The following FGF5 variants were observed in gnomAD, a reference collection of about 807,000 sequenced individuals.
FGF5 encodes the protein fibroblast growth factor 5.
Under a neutral mutation model 21.8 loss-of-function variants are expected in FGF5, and 23 were observed. The observed-to-expected ratio is 1.05, with a 90% CI of 0.76 to 1.49. The LOEUF (loss-of-function observed/expected upper bound fraction) is 1.49. FGF5 is among the 40% of genes most tolerant of loss of function. The probability of loss-of-function intolerance (pLI) is 0.00; values close to 1 mark genes in which losing one functional copy is unlikely to be tolerated. For missense variants in FGF5, 352 were observed against 332.9 expected (o/e 1.06, Z -0.45); for synonymous variants, 158 against 124.0 (o/e 1.27, Z -1.82).
rs756297312 is a variant in FGF5 at position 80,266,923 on chromosome 4, A to C, written c.99A>C (p.Gly33=). The C allele has an allele frequency of 6.2e-7, 1 of 1,614,014 alleles. No homozygotes were observed. The highest frequency in any genetic ancestry group is 8.5e-7 in the Non-Finnish European group (1 of 1,179,962). Residue 33 remains glycine, a synonymous_variant, in exon 1 of 3, where the codon GGA becomes GGC. Transcript: ENST00000312465. ...GTCTCGCCCCCAAAGGGCAACCCGG[A>C]CCCGCTGCCACTGATAGGAACCCTA... The part of the protein sequence containing the change: ...EKRLAPKGQP[G]PAATDRNPRG...
At chr4:80,269,554 G>A (rs1343708416) in intron 1 of FGF5, among the ~76,000 whole-genome samples, 1 of 152,164 alleles carries the variant, frequency 6.6e-6, no homozygotes, top group African/African-American at 2.4e-5. Context: ...TAAAATCCAT[G>A]TTGAAAGATA....
chr4:80,269,992 C>T (rs1049990242), intron 1 of FGF5, among the ~76,000 whole-genome samples: 26 of 152,354 alleles, frequency 1.7e-4, no homozygotes, highest in African/African-American at 5.5e-4. Flanking sequence ...TTGCTAATTA[C>T]AATTGGTCAT....
rs554841821 is a variant in FGF5, at chr4:80,277,346, T to A, written c.459+2334T>A. Among the ~76,000 whole-genome samples the A allele has an allele frequency of 2.0e-5, 3 of 152,222 alleles. No individual in the cohort carries two copies. In the South Asian group the frequency reaches 6.2e-4, roughly 32 times the overall value. On this transcript the variant is annotated intron_variant, in intron 2 of 2. Transcript: ENST00000312465. ...CTTTGAGCTAAATTGTAGATAAAAA[T>A]ATTAAGCCTATGATTATGTGGATTC...
intron 1 of FGF5, chr4:80,268,580 G>T (rs1720170766): frequency 4.2e-6 from 4 of 960,668 alleles, no homozygotes; most frequent in Non-Finnish European, 2.5e-6. Flanking sequence ...TAAGGCGGTA[G>T]GCTGGCTAGC....
At chr4:80,273,601 T>C (rs1306106571) in intron 1 of FGF5, among the ~76,000 whole-genome samples, 1 of 152,176 alleles carries the variant, frequency 6.6e-6, no homozygotes, top group African/African-American at 2.4e-5. Flanking sequence ...CAGAGTCCTA[T>C]TGAGATATCC....
intron 1 of FGF5, among the ~76,000 whole-genome samples, chr4:80,272,659 G>T (rs1190582323): frequency 4.6e-5 from 7 of 151,856 alleles, no homozygotes; most frequent in South Asian, 2.1e-4. Context: ...CAATATATCT[G>T]CATGTTCAAA....
At chr4:80,267,938 A>T (rs1213227330) in intron 1 of FGF5, among the ~76,000 whole-genome samples, 1 of 152,206 alleles carries the variant, frequency 6.6e-6, no homozygotes, top group Non-Finnish European at 1.5e-5. Context: ...CCATGACTAC[A>T]CCGTATTAGG....
intron 1 of FGF5, among the ~76,000 whole-genome samples, chr4:80,270,619 A>G (rs1370174015): frequency 6.6e-6 from 1 of 152,196 alleles, no homozygotes; most frequent in East Asian, 1.9e-4. Context: ...AGATGACCCA[A>G]CTATTGCATG....
chr4:80,271,600 A>G (rs1720274643), intron 1 of FGF5, among the ~76,000 whole-genome samples: 1 of 152,170 alleles, frequency 6.6e-6, no homozygotes, highest in African/African-American at 2.4e-5. Flanking sequence ...TTGTGTATGC[A>G]TGGGGTGTCC....
At chr4:80,276,091 T>C (rs1313451778) in intron 2 of FGF5, among the ~76,000 whole-genome samples, 1 of 152,056 alleles carries the variant, frequency 6.6e-6, no homozygotes, top group Non-Finnish European at 1.5e-5. Context: ...TCTAAAGTGA[T>C]TTGTTAATAT....
At chr4:80,270,375 T>G (rs1330271872) in intron 1 of FGF5, among the ~76,000 whole-genome samples, 1 of 152,158 alleles carries the variant, frequency 6.6e-6, no homozygotes, top group Non-Finnish European at 1.5e-5. Flanking sequence ...CTTTTTTTTT[T>G]TTTTTGCAAA....
intron 2 of FGF5, 97 bp downstream of exon 2, chr4:80,275,109 C>A: frequency 2.0e-6 from 1 of 512,210 alleles, no homozygotes; most frequent in Non-Finnish European, 3.5e-6. Context: ...GAAAATTTGC[C>A]CAAAGAACTT....
chr4:80,272,247 T>G (rs1476348145), intron 1 of FGF5, among the ~76,000 whole-genome samples: 1 of 152,198 alleles, frequency 6.6e-6, no homozygotes, highest in Non-Finnish European at 1.5e-5. Flanking sequence ...AAAGATAATT[T>G]TCTTAAGGTT....
Position 80,283,221 on chromosome 4 carries a change from T to A in FGF5, c.460-3104T>A, listed in dbSNP as rs1291633059. On this transcript the variant is annotated intron_variant, in intron 2 of 2. Coordinates refer to ENST00000312465, the MANE Select transcript of FGF5 (RefSeq NM_004464.4). ...CGTTTACTCCCGTATTAATGTAGAA[T>A]GTAGGATTTGGATGGCTGAGGGGCT... Among the ~76,000 whole-genome samples the A allele has an allele frequency of 5.3e-5, 8 of 152,298 alleles. No individual in the cohort carries two copies. In the South Asian group the frequency reaches 1.7e-3, roughly 32 times the overall value.
In FGF5 at chr4:80,289,617, TTCTTTATGTGGAACATCTATAGA is replaced by T. The variant is rs2109933873; in HGVS notation, c.*2946_*2968del. ...TATATTATGTTTAATTATTTAAGAT[TTCTTTATGTGGAACATCTATAGA>T]GATAAATAGAAATTTTCAATAAGAT... On this transcript the variant is annotated 3_prime_UTR_variant, in exon 3 of 3. Coordinates refer to ENST00000312465, the MANE Select transcript of FGF5 (RefSeq NM_004464.4). 6.6e-6 allele frequency: 1 copy of T among 152,230 alleles called. No individual in the cohort carries two copies. The highest frequency in any genetic ancestry group is 1.9e-4 in the East Asian group (1 of 5,182). The allele number at this position is 152,230 out of a possible 1,614,324, so 9.4% of individuals were successfully genotyped here.
chr4:80,280,859 T>G (rs769464814), intron 2 of FGF5, among the ~76,000 whole-genome samples: 21 of 152,032 alleles, frequency 1.4e-4, no homozygotes, highest in Non-Finnish European at 2.2e-4. Flanking sequence ...AAGTCCAGGG[T>G]CTCACCTCAG....
chr4:80,273,735 C>T (rs141269654), intron 1 of FGF5, among the ~76,000 whole-genome samples: 11 of 151,874 alleles, frequency 7.2e-5, no homozygotes, highest in Middle Eastern at 6.8e-3. Context: ...AGTAGAGATG[C>T]GGTGTCACTA....
intron 2 of FGF5, 53 bp from the exon 3 acceptor site, chr4:80,286,272 C>T: frequency 1.6e-6 from 2 of 1,220,996 alleles, no homozygotes; most frequent in Non-Finnish European, 2.3e-6. Context: ...TGTTTTATTA[C>T]ATGCTGAAAA....
In FGF5 at chr4:80,288,115, A is replaced by T. The variant is rs1028133854; in HGVS notation, c.*1443A>T. The T allele has an allele frequency of 6.6e-6, 1 of 152,224 alleles. No homozygotes were observed. Among genetic ancestry groups the T allele is most frequent in the Non-Finnish European group, 1.5e-5 (1 of 68,024 alleles). 9.4% of individuals were successfully genotyped at this position (152,224 alleles called of 1,614,324 possible). A position where few individuals can be genotyped will look rare whatever the true frequency, so the allele number is the denominator to read the frequency against. On this transcript the variant is annotated 3_prime_UTR_variant, in exon 3 of 3. Transcript: ENST00000312465. ...AAAAAGGCATAGCTAAAGGCTAAAC[A>T]TATGGCTTTAGTAGTAACAAAAGGG...
Sources: gnomAD v4.1 joint callset for allele counts (sites outside exome capture counted in the v4.1 genomes callset) on GRCh38, gnomAD v4.1.1 for gene constraint, MANE v1.5 for transcripts, NCBI Gene and HGNC (gene_info 2026-07-23, HGNC 2026-07-21) for gene names.